Variants in DHRSX observed in about 807,000 individuals in gnomAD.
The protein encoded by DHRSX is dehydrogenase/reductase X-linked.
DHRSX carries 31 observed loss-of-function variants against 34.0 expected under a neutral mutation model. That is an observed-to-expected ratio of 0.91 (90% confidence interval 0.69 to 1.23). The LOEUF is 1.23. Ranked by LOEUF, DHRSX falls within the 50% of genes most tolerant of loss-of-function variation. The pLI, the probability that DHRSX is intolerant of heterozygous loss-of-function variation, is 0.00. For missense variants in DHRSX, 414 were observed against 428.1 expected (o/e 0.97, Z 0.29); for synonymous variants, 201 against 183.8 (o/e 1.09, Z -0.76).
intron 6 of DHRSX, among the ~76,000 whole-genome samples, chrX:2,240,582 C>G (rs2016117727): frequency 6.6e-6 from 1 of 151,696 alleles, no homozygotes; most frequent in South Asian, 2.1e-4. Flanking sequence ...TAAACTGACT[C>G]AGAAAGAGGT....
chrX:2,250,291 G>T (rs1715759978), intron 5 of DHRSX, among the ~76,000 whole-genome samples: 1 of 152,066 alleles, frequency 6.6e-6, no homozygotes, highest in South Asian at 2.1e-4. Flanking sequence ...TCCTTTCAGG[G>T]GTTTGAAAGG....
chrX:2,355,736 C>T lies in DHRSX; in HGVS notation c.286+53009G>A, dbSNP rs950067925. Among the ~76,000 whole-genome samples the T allele has an allele frequency of 6.6e-5, 10 of 151,916 alleles. No homozygotes were observed. The East Asian group carries it at 1.6e-3, about 24-fold the overall frequency. ...TATAACATCACATCCTAGAGAAGCC[C>T]GGACAATAGTAGACAGAGGGAAGAT... On this transcript the variant is annotated intron_variant, in intron 3 of 6. Transcript: ENST00000334651.
chrX:2,305,349 G>GA (rs2042086160), intron 3 of DHRSX, among the ~76,000 whole-genome samples: 1 of 152,160 alleles, frequency 6.6e-6, no homozygotes, highest in Non-Finnish European at 1.5e-5. Context: ...AACAGATGCT[G>GA]GAGAGGATGT....
intron 1 of DHRSX, among the ~76,000 whole-genome samples, chrX:2,444,033 A>C (rs2044097330): frequency 6.7e-6 from 1 of 149,424 alleles, no homozygotes; most frequent in African/African-American, 2.5e-5. Context: ...AAAAAGGGCC[A>C]ATGACCATGG....
intron 5 of DHRSX, among the ~76,000 whole-genome samples, chrX:2,250,024 G>A (rs1436961395): frequency 4.0e-5 from 6 of 151,826 alleles, no homozygotes; most frequent in East Asian, 3.9e-4. Flanking sequence ...TTAGCCAGGA[G>A]TGGTGGCGCA....
intron 1 of DHRSX, among the ~76,000 whole-genome samples, chrX:2,474,848 ACC>A (rs1445111288): frequency 4.6e-5 from 7 of 151,602 alleles, no homozygotes; most frequent in African/African-American, 1.7e-4. Context: ...TGGCTAAGGG[ACC>A]GCCGCCATGT....
At chrX:2,430,353 G>C (rs988845300) in intron 1 of DHRSX, among the ~76,000 whole-genome samples, 6 of 151,848 alleles carry the variant, frequency 4.0e-5, no homozygotes, top group Non-Finnish European at 8.8e-5. Flanking sequence ...TTACGGACCA[G>C]GAAGCTGGCA....
intron 3 of DHRSX, among the ~76,000 whole-genome samples, chrX:2,402,360 T>C (rs753176927): frequency 2.8e-4 from 43 of 152,310 alleles, no homozygotes; most frequent in African/African-American, 1.0e-3. Context: ...AAGCACAATT[T>C]AGAGCAAGGT....
chrX:2,268,801 T>C (rs1014017403), intron 4 of DHRSX, among the ~76,000 whole-genome samples: 2 of 152,268 alleles, frequency 1.3e-5, no homozygotes, highest in African/African-American at 4.8e-5. Context: ...TTCATACACC[T>C]ACAAACACAC....
At chrX:2,258,750 G>T (rs2041314532) in intron 5 of DHRSX, among the ~76,000 whole-genome samples, 1 of 152,216 alleles carries the variant, frequency 6.6e-6, no homozygotes, top group Non-Finnish European at 1.5e-5. Context: ...TGAAAAAGGG[G>T]CCTATTTGGA....
At chrX:2,455,741 C>CAAAAAAAAAAAAAA (rs752123891) in intron 1 of DHRSX, among the ~76,000 whole-genome samples, 11 of 59,782 alleles carry the variant, frequency 1.8e-4, no homozygotes, top group East Asian at 4.5e-4. Context: ...AACTTCGTCT[C>CAAAAAAAAAAAAAA]AAAAAAAAAA....
chrX:2,444,136 C>T (rs1407738928), intron 1 of DHRSX, among the ~76,000 whole-genome samples: 1 of 152,052 alleles, frequency 6.6e-6, no homozygotes, highest in African/African-American at 2.4e-5. Context: ...TCTGCTTATT[C>T]CACAGCCCCT....
At chrX:2,466,653 A>G (rs1283448908) in intron 1 of DHRSX, among the ~76,000 whole-genome samples, 1 of 152,128 alleles carries the variant, frequency 6.6e-6, no homozygotes, top group East Asian at 1.9e-4. Context: ...GGGAGAAATG[A>G]GAGGATCGAA....
At chrX:2,422,894 C>T (rs1026523442) in intron 2 of DHRSX, among the ~76,000 whole-genome samples, 5 of 152,040 alleles carry the variant, frequency 3.3e-5, no homozygotes, top group East Asian at 2.0e-4. Flanking sequence ...AAGCAATTCA[C>T]CTGCCTCAGC....
At chrX:2,468,474 G>T (rs1325964394) in intron 1 of DHRSX, among the ~76,000 whole-genome samples, 1 of 129,246 alleles carries the variant, frequency 7.7e-6, no homozygotes, top group Non-Finnish European at 1.7e-5. Context: ...TTTACAGGAT[G>T]AAAAGTACAC....
At chrX:2,283,039 G>A (rs67997116) in intron 4 of DHRSX, among the ~76,000 whole-genome samples, 3,547 of 151,602 alleles carry the variant, frequency 0.023, 61 homozygotes, top group Non-Finnish European at 0.037. Context: ...GGGAGAAGGA[G>A]GAGAGAGAGA....
chrX:2,327,819 G>A (rs1483880463), intron 3 of DHRSX, among the ~76,000 whole-genome samples: 8 of 152,024 alleles, frequency 5.3e-5, no homozygotes, highest in East Asian at 1.9e-4. Context: ...GGTGGCTCAC[G>A]CCTGTAATCC....
At chrX:2,483,892 A>C (rs1369012489) in intron 1 of DHRSX, among the ~76,000 whole-genome samples, 1 of 151,942 alleles carries the variant, frequency 6.6e-6, no homozygotes. Flanking sequence ...TTTTTTTCTG[A>C]ATTTCTTAAT....
intron 3 of DHRSX, among the ~76,000 whole-genome samples, chrX:2,367,287 A>T (rs2043005157): frequency 6.6e-6 from 1 of 151,898 alleles, no homozygotes; most frequent in Non-Finnish European, 1.5e-5. Context: ...AAAATACAAA[A>T]ATTAGCCACG....
Sources: allele counts gnomAD v4.1 joint callset (sites outside exome capture counted in the v4.1 genomes callset), GRCh38; gene constraint gnomAD v4.1.1; transcripts MANE v1.5; gene names NCBI Gene and HGNC (gene_info 2026-07-23, HGNC 2026-07-21).